The following EIF4G3 variants were observed in gnomAD, a reference collection of about 807,000 sequenced individuals.
EIF4G3 encodes eIF-4-gamma 3.
In EIF4G3, 34 loss-of-function variants were observed where a neutral mutation model predicts 186.4. The observed-to-expected ratio is 0.18, with a 90% CI of 0.14 to 0.24. EIF4G3 has a LOEUF of 0.24. EIF4G3 is among the 10% of genes least tolerant of loss of function. The pLI is 1.00. For synonymous variants in EIF4G3, 673 were observed against 679.5 expected (o/e 0.99, Z 0.15); for missense variants, 1,536 against 1,948.5 (o/e 0.79, Z 3.99).
In EIF4G3 at chr1:20,858,588, ATATTT is replaced by A. The variant is rs1256928610; in HGVS notation, c.3245-1096_3245-1092del. 2.6e-5 allele frequency among the ~76,000 whole-genome samples: 4 copies of A among 152,312 alleles called. No homozygotes were observed. In the East Asian group the frequency reaches 5.8e-4, roughly 22 times the overall value. ...TCTACAAATTTATTTGACAAATGAT[ATATTT>A]TATTTAAGTATTTATTATTTATTGT... On this transcript the variant is annotated intron_variant, in intron 24 of 36. Coordinates refer to ENST00000602326, the MANE Select transcript of EIF4G3 (RefSeq NM_001391906.1).
At chr1:21,015,084 AG>A (rs146130127) in intron 4 of EIF4G3, among the ~76,000 whole-genome samples, 5 of 150,422 alleles carry the variant, frequency 3.3e-5, no homozygotes, top group Admixed American at 1.3e-4. Context: ...AAAAAAAAGG[AG>A]GGGGGGAAGA....
At chr1:20,834,842 G>C (rs978384079) in intron 30 of EIF4G3, among the ~76,000 whole-genome samples, 1 of 152,156 alleles carries the variant, frequency 6.6e-6, no homozygotes, top group South Asian at 2.1e-4. Flanking sequence ...CAGAAAATCA[G>C]TAAGGAAACA....
chr1:21,109,158 C>T (rs1447684433), intron 2 of EIF4G3, among the ~76,000 whole-genome samples: 1 of 152,134 alleles, frequency 6.6e-6, no homozygotes, highest in Non-Finnish European at 1.5e-5. Context: ...ACAGAGGTTG[C>T]AGTGAGCTGA....
chr1:20,811,292 T>A (rs2059193636), intron 35 of EIF4G3, among the ~76,000 whole-genome samples: 1 of 152,122 alleles, frequency 6.6e-6, no homozygotes, highest in African/African-American at 2.4e-5. Context: ...AGATTTTAAA[T>A]AATAGAGACA....
chr1:21,164,773 A>AG (rs1485064966), intron 2 of EIF4G3, among the ~76,000 whole-genome samples: 1 of 152,110 alleles, frequency 6.6e-6, no homozygotes, highest in African/African-American at 2.4e-5. Flanking sequence ...CTTAGGTGGG[A>AG]GGGCTCCTTG....
At chr1:21,022,775 C>G (rs140253944) in intron 4 of EIF4G3, among the ~76,000 whole-genome samples, 5 of 152,328 alleles carry the variant, frequency 3.3e-5, no homozygotes, top group African/African-American at 1.2e-4. Flanking sequence ...AACCAAGTCT[C>G]TCCAGTTGAC....
chr1:21,036,811 G>T (rs1213916438), intron 4 of EIF4G3, among the ~76,000 whole-genome samples: 1 of 152,108 alleles, frequency 6.6e-6, no homozygotes, highest in African/African-American at 2.4e-5. Flanking sequence ...AGCCCAGGAG[G>T]TAGAGGTTGC....
At chr1:20,864,820 T>C in intron 21 of EIF4G3, 108 bp from the exon 22 acceptor site, 1 of 1,015,354 alleles carries the variant, frequency 9.8e-7, no homozygotes, top group Non-Finnish European at 1.5e-6. Context: ...ATAGCAAGTG[T>C]AGAATCTACT....
At chr1:21,075,028 A>T (rs1203784257) in intron 3 of EIF4G3, among the ~76,000 whole-genome samples, 1 of 152,212 alleles carries the variant, frequency 6.6e-6, no homozygotes, top group East Asian at 1.9e-4. Context: ...AGAAGAAAGA[A>T]AAAAGAATCG....
chr1:20,879,627 T>A, intron 19 of EIF4G3, 107 bp from the exon 20 acceptor site: 1 of 636,880 alleles, frequency 1.6e-6, no homozygotes, highest in Non-Finnish European at 2.4e-6. Context: ...CTTCTCAAAT[T>A]ATTAACAAGG....
chr1:20,860,448 T>C lies in EIF4G3; in HGVS notation c.3181A>G (p.Ile1061Val). The change falls in exon 24 of 37, where the codon ATA (isoleucine) becomes GTA (valine). Residue 1061 changes from isoleucine (I) to valine (V), a missense_variant. This residue lies in a region of EIF4G3 where 110 missense variants were observed against 166.2 expected (regional missense o/e 0.66). Coordinates refer to ENST00000602326, the MANE Select transcript of EIF4G3 (RefSeq NM_001391906.1). ...TIEQIHKEAKIEEQEEQRKVQ... is the reference protein window; with the variant it reads ...TIEQIHKEAKVEEQEEQRKVQ... ...TTCCTTTGCTCTTCTTGTTCTTCTA[T>C]TTTAGCCTCTTTGTGAATCTGTTCG... The C allele has an allele frequency of 6.2e-7, 1 of 1,614,128 alleles. No individual in the cohort carries two copies. The highest frequency in any genetic ancestry group is 8.5e-7 in the Non-Finnish European group (1 of 1,180,010).
chr1:21,138,726 G>A (rs565346889), intron 2 of EIF4G3, among the ~76,000 whole-genome samples: 2 of 151,918 alleles, frequency 1.3e-5, no homozygotes, highest in African/African-American at 4.8e-5. Context: ...CAGGAGAATC[G>A]CTTGAACCTG....
rs747832327 is a variant in EIF4G3 at position 20,941,256 on chromosome 1, T to C, written c.1663+235A>G. 14 of 1,547,834 alleles carry C rather than the reference T, an allele frequency of 9.0e-6. No individual in the cohort carries two copies. The South Asian group carries it at 1.5e-4, about 16-fold the overall frequency. ...AAAACCCAACATGTTTCGTGACATATACCTTGGAGGCATTTTGTATATTTG... is the reference window on the plus strand; with the variant it reads ...AAAACCCAACATGTTTCGTGACATACACCTTGGAGGCATTTTGTATATTTG... On this transcript the variant is annotated intron_variant, in intron 14 of 36. Transcript: ENST00000602326.
intron 2 of EIF4G3, among the ~76,000 whole-genome samples, chr1:21,105,362 G>C (rs187298345): frequency 6.6e-6 from 1 of 152,130 alleles, no homozygotes; most frequent in East Asian, 1.9e-4. Flanking sequence ...CCTGGGAGGT[G>C]GAGGTTGCAG....
intron 8 of EIF4G3, among the ~76,000 whole-genome samples, chr1:20,981,581 GTA>G (rs1329448215): frequency 1.5e-5 from 2 of 137,522 alleles, no homozygotes; most frequent in African/African-American, 2.8e-5. Flanking sequence ...CGCACATACT[GTA>G]TGTATACATA....
chr1:20,944,507 G>A (rs1017658064), intron 13 of EIF4G3, among the ~76,000 whole-genome samples: 2 of 150,404 alleles, frequency 1.3e-5, no homozygotes, highest in South Asian at 2.1e-4. Context: ...AGAGCAAGAC[G>A]CTGTCTCAAA....
intron 19 of EIF4G3, among the ~76,000 whole-genome samples, chr1:20,885,393 T>C (rs1182784060): frequency 1.3e-5 from 2 of 152,224 alleles, no homozygotes; most frequent in African/African-American, 4.8e-5. Flanking sequence ...ATAGTTGAGA[T>C]TAAGAACCTG....
chr1:21,006,803 T>C (rs969169535), intron 4 of EIF4G3, among the ~76,000 whole-genome samples: 1 of 152,230 alleles, frequency 6.6e-6, no homozygotes, highest in Admixed American at 6.5e-5. Flanking sequence ...CCAGATGTGA[T>C]GGTTTTCAAA....
chr1:21,076,474 A>G (rs1277412540), intron 3 of EIF4G3, among the ~76,000 whole-genome samples: 1 of 152,098 alleles, frequency 6.6e-6, no homozygotes, highest in African/African-American at 2.4e-5. Flanking sequence ...TGGGAGAGAG[A>G]GCAAGATCCC....
Sources: gnomAD v4.1 joint callset for allele counts (sites outside exome capture counted in the v4.1 genomes callset) on GRCh38, gnomAD v4.1.1 for gene constraint, gnomAD v4.1.1 regional missense constraint, MANE v1.5 for transcripts, NCBI Gene and HGNC (gene_info 2026-07-23, HGNC 2026-07-21) for gene names.